The following MVB12B variants were observed in gnomAD, a reference collection of about 807,000 sequenced individuals.
MVB12B encodes multivesicular body subunit 12B.
A neutral mutation model predicts 41.6 loss-of-function variants in MVB12B; 16 were observed. That is an observed-to-expected ratio of 0.38 (90% CI 0.26 to 0.58). The LOEUF (loss-of-function observed/expected upper bound fraction) is 0.58. Among genes scored for constraint, MVB12B ranks in the 20% least tolerant of loss-of-function variants. The pLI, the probability that MVB12B is intolerant of heterozygous loss-of-function variation, is 0.62. For missense variants in MVB12B, 274 were observed against 380.2 expected (o/e 0.72, Z 2.32); for synonymous variants, 133 against 139.7 (o/e 0.95, Z 0.34).
At chr9:126,447,126 G>A (rs1255950321) in intron 7 of MVB12B, among the ~76,000 whole-genome samples, 4 of 150,558 alleles carry the variant, frequency 2.7e-5, no homozygotes, top group Non-Finnish European at 5.9e-5. Context: ...TGTATTTTTA[G>A]TAGAGATGGG....
At chr9:126,457,597 A>G (rs1186669603) in intron 7 of MVB12B, among the ~76,000 whole-genome samples, 3 of 152,054 alleles carry the variant, frequency 2.0e-5, no homozygotes, top group Non-Finnish European at 2.9e-5. Context: ...TAGTGTACCC[A>G]TCGGATGTTG....
At chr9:126,419,839 G>A (rs2119084543) in intron 6 of MVB12B, among the ~76,000 whole-genome samples, 1 of 152,260 alleles carries the variant, frequency 6.6e-6, no homozygotes, top group South Asian at 2.1e-4. Flanking sequence ...GACTCCCCAA[G>A]GTCAGGGCCT....
At chr9:126,461,350 G>T (rs952627246) in intron 7 of MVB12B, among the ~76,000 whole-genome samples, 1 of 151,996 alleles carries the variant, frequency 6.6e-6, no homozygotes, top group Non-Finnish European at 1.5e-5. Flanking sequence ...TAAAACAATC[G>T]AGAAACAATT....
At chr9:126,369,506 G>T (rs1457146416) in intron 2 of MVB12B, among the ~76,000 whole-genome samples, 6 of 152,136 alleles carry the variant, frequency 3.9e-5, no homozygotes, top group African/African-American at 1.4e-4. Flanking sequence ...CCAGGCCCAT[G>T]CCTCCCTCCT....
intron 6 of MVB12B, among the ~76,000 whole-genome samples, chr9:126,409,203 T>G (rs1831546167): frequency 6.6e-6 from 1 of 152,098 alleles, no homozygotes; most frequent in Non-Finnish European, 1.5e-5. Context: ...TTTCCTTTGA[T>G]TTAGCCACAC....
At chr9:126,413,973 C>A (rs889553524) in intron 6 of MVB12B, among the ~76,000 whole-genome samples, 1 of 152,192 alleles carries the variant, frequency 6.6e-6, no homozygotes, top group Non-Finnish European at 1.5e-5. Flanking sequence ...GGCACTGCAG[C>A]TGCCTGGGCA....
intron 2 of MVB12B, among the ~76,000 whole-genome samples, chr9:126,347,635 T>G (rs1205199211): frequency 6.6e-6 from 1 of 152,234 alleles, no homozygotes; most frequent in Non-Finnish European, 1.5e-5. Flanking sequence ...TGAGGTCCTA[T>G]TCTTTTACTT....
chr9:126,406,601 C>T (rs911631587), intron 6 of MVB12B, among the ~76,000 whole-genome samples: 2 of 152,142 alleles, frequency 1.3e-5, no homozygotes, highest in Non-Finnish European at 2.9e-5. Flanking sequence ...GTAAGGTCAG[C>T]GAGGTTTAGA....
At chr9:126,497,018 G>A (rs1301032157) in intron 9 of MVB12B, among the ~76,000 whole-genome samples, 2 of 152,182 alleles carry the variant, frequency 1.3e-5, no homozygotes, top group Non-Finnish European at 2.9e-5. Context: ...AGAATGACTG[G>A]GATGCGGACT....
In MVB12B at chr9:126,407,240, T is replaced by A. The variant is rs1027368704; in HGVS notation, c.662+11543T>A. Reference sequence around the variant, plus strand: ...TTATGCCTTTCACCCAAAAAGCGTTTTTACGGCCAGGATGTGCCCGTAGTC... The same window carrying A: ...TTATGCCTTTCACCCAAAAAGCGTTATTACGGCCAGGATGTGCCCGTAGTC... On this transcript the variant is annotated intron_variant, in intron 6 of 9. Transcript: ENST00000361171. Among the ~76,000 whole-genome samples, 7 of 152,114 alleles carry A rather than the reference T, an allele frequency of 4.6e-5. 1 individual carries two copies. The South Asian group carries it at 1.2e-3, about 27-fold the overall frequency.
In MVB12B at chr9:126,340,571, C is replaced by G. The variant is rs750528154; in HGVS notation, c.145C>G (p.Pro49Ala). The change falls in exon 2 of 10, where the codon CCC (proline) becomes GCC (alanine). Residue 49 changes from proline to alanine, a missense_variant. Physicochemically the swap from Pro to Ala is conservative, Grantham distance 27 (BLOSUM62 -1). Coordinates refer to ENST00000361171, the MANE Select transcript of MVB12B (RefSeq NM_033446.3). The surrounding 1 kb of genome is among the most constrained non-coding windows in gnomAD (Gnocchi z 4.0). Reference sequence around the variant, plus strand: ...AGCCTTGCCAGAAACGTCAATGGATCCCATCACGGGAGTCGGGGTGGTGGC... The same window carrying G: ...AGCCTTGCCAGAAACGTCAATGGATGCCATCACGGGAGTCGGGGTGGTGGC... ...SEALPETSMD[P>A]ITGVGVVASR... 1 of 1,614,132 alleles carries G rather than the reference C, an allele frequency of 6.2e-7. No homozygotes were observed. The highest frequency in any genetic ancestry group is 2.2e-5 in the East Asian group (1 of 44,888).
intron 2 of MVB12B, 58 bp from the exon 3 acceptor site, chr9:126,381,006 G>A (rs1038564744): frequency 6.2e-5 from 86 of 1,388,050 alleles, no homozygotes; most frequent in East Asian, 1.4e-4. Flanking sequence ...TGGCCCACGC[G>A]CACCTTCAGT....
intron 6 of MVB12B, among the ~76,000 whole-genome samples, chr9:126,410,652 C>T (rs1247773409): frequency 6.6e-6 from 1 of 152,126 alleles, no homozygotes; most frequent in Non-Finnish European, 1.5e-5. Context: ...ATCCCATTTC[C>T]TACCTCTCTG....
chr9:126,465,782 G>A (rs1833188063), intron 7 of MVB12B, among the ~76,000 whole-genome samples: 1 of 152,138 alleles, frequency 6.6e-6, no homozygotes, highest in Non-Finnish European at 1.5e-5. Context: ...GCTAACACAT[G>A]CTGAACATTT....
intron 7 of MVB12B, among the ~76,000 whole-genome samples, chr9:126,454,684 G>A (rs1029274898): frequency 6.6e-6 from 1 of 152,112 alleles, no homozygotes; most frequent in East Asian, 1.9e-4. Context: ...GGAAGTGAAT[G>A]TTTTCCTCTT....
intron 1 of MVB12B, among the ~76,000 whole-genome samples, chr9:126,335,677 C>T (rs1403284747): frequency 6.6e-6 from 1 of 152,220 alleles, no homozygotes. Flanking sequence ...GGGGGACAAC[C>T]CATTTCCAGC....
rs1287436651 is a variant in MVB12B, at chr9:126,506,953, A to T, written c.*3690A>T. On this transcript the variant is annotated 3_prime_UTR_variant, in exon 10 of 10. Transcript: ENST00000361171. ...CCCCGCTGCATATTTATTCAAGGTG[A>T]CTCTTGTACTTGGCAAGGGAAGTCC... is the stretch of plus-strand genomic sequence containing the variant. 6.6e-6 allele frequency: 1 copy of T among 152,600 alleles called. No homozygotes were observed. The highest frequency in any genetic ancestry group is 1.5e-5 in the Non-Finnish European group (1 of 68,034). 9.5% of individuals were successfully genotyped at this position (152,600 alleles called of 1,614,324 possible).
intron 2 of MVB12B, among the ~76,000 whole-genome samples, chr9:126,344,942 A>G (rs1411754859): frequency 2.0e-5 from 3 of 152,166 alleles, no homozygotes; most frequent in Non-Finnish European, 4.4e-5. Flanking sequence ...GAACCTAATC[A>G]CTTCTCACAG....
At chr9:126,397,511 TAAAAC>T (rs774071479) in intron 6 of MVB12B, 106 of 985,334 alleles carry the variant, frequency 1.1e-4, no homozygotes, top group African/African-American at 1.4e-4. Context: ...ACTTGCCAAA[TAAAAC>T]AAATGTCAAA....
Sources: gnomAD v4.1 joint callset for allele counts (sites outside exome capture counted in the v4.1 genomes callset) on GRCh38, gnomAD v4.1.1 for gene constraint, Gnocchi (gnomAD v3.1) non-coding constraint, MANE v1.5 for transcripts, NCBI Gene and HGNC (gene_info 2026-07-23, HGNC 2026-07-21) for gene names.